PLSCR2: variants seen among roughly 807,000 people sequenced by gnomAD.
The protein encoded by PLSCR2 is PL scramblase 2.
Under a neutral mutation model 25.3 loss-of-function variants are expected in PLSCR2, and 18 were observed. That is an observed-to-expected ratio of 0.71 (90% CI 0.49 to 1.06). The LOEUF (loss-of-function observed/expected upper bound fraction) is 1.06, where lower values mean the gene tolerates loss of function less well. Among genes scored for constraint, PLSCR2 ranks in the 50% least tolerant of loss-of-function variants. The pLI is 0.00. For missense variants in PLSCR2, 243 were observed against 269.5 expected (o/e 0.90, Z 0.69); for synonymous variants, 88 against 87.3 (o/e 1.01, Z -0.04).
chr3:146,478,844 C>G (rs550808531), intron 1 of PLSCR2, among the ~76,000 whole-genome samples: 6 of 152,210 alleles, frequency 3.9e-5, no homozygotes, highest in South Asian at 2.1e-4. Context: ...CAGCCAGAGA[C>G]AAAGGTCGGG....
intron 4 of PLSCR2, among the ~76,000 whole-genome samples, chr3:146,454,374 T>A (rs4234358): frequency 0.57 from 87,073 of 151,932 alleles, 25,433 homozygotes; most frequent in South Asian, 0.76. Context: ...TTTTCCTCAG[T>A]TATTCTTACA....
intron 5 of PLSCR2, among the ~76,000 whole-genome samples, chr3:146,451,335 G>A (rs12492503): frequency 0.48 from 73,224 of 151,510 alleles, 18,685 homozygotes; most frequent in South Asian, 0.7. Context: ...GGCTGGTCTC[G>A]AAATCCTGAC....
intron 2 of PLSCR2, among the ~76,000 whole-genome samples, chr3:146,420,796 T>C (rs1302794154): frequency 6.6e-6 from 1 of 152,110 alleles, no homozygotes; most frequent in Non-Finnish European, 1.5e-5. Flanking sequence ...AGGCGTATTG[T>C]ATTATGCTTC....
chr3:146,486,968 C>T (rs564334444), intron 1 of PLSCR2, among the ~76,000 whole-genome samples: 6 of 152,176 alleles, frequency 3.9e-5, no homozygotes, highest in Admixed American at 6.6e-5. Context: ...TTATCCACCA[C>T]GATCAAGTCA....
chr3:146,483,482 T>TAC (rs1282166736), intron 1 of PLSCR2, among the ~76,000 whole-genome samples: 2 of 80,688 alleles, frequency 2.5e-5, no homozygotes, highest in Non-Finnish European at 5.0e-5. Context: ...TACATGTGTA[T>TAC]ATATATATAT....
chr3:146,447,500 TA>T (rs2040622013), intron 6 of PLSCR2, among the ~76,000 whole-genome samples: 2 of 152,210 alleles, frequency 1.3e-5, no homozygotes, highest in South Asian at 4.1e-4. Context: ...GTCTGGGTGC[TA>T]GGGCCTCGAA....
rs914655051 is a variant in PLSCR2, at chr3:146,492,865, G to T, written c.-293+3030C>A. Among the ~76,000 whole-genome samples the T allele has an allele frequency of 1.1e-4, 17 of 151,776 alleles. No homozygotes were observed. The East Asian group carries it at 1.7e-3, about 16-fold the overall frequency. On this transcript the variant is annotated intron_variant, in intron 1 of 8. Coordinates refer to the PLSCR2 transcript ENST00000336685. ...AAAAGATTAACTTAGACCAAAACTT[G>T]GTTTTTTAAAAGAAAAATCAAGCTT...
upstream of PLSCR2, chr3:146,464,020 G>A: frequency 1.0e-6 from 1 of 969,514 alleles, no homozygotes; most frequent in Non-Finnish European, 1.2e-6. Flanking sequence ...AGATGTATTT[G>A]TGTTACTGAT....
chr3:146,411,147 GAGAA>G (rs918209519), intron 2 of PLSCR2, among the ~76,000 whole-genome samples: 5 of 152,096 alleles, frequency 3.3e-5, no homozygotes, highest in African/African-American at 1.2e-4. Context: ...GAAAAAGGGA[GAGAA>G]AGAGAGAGAG....
exon 3 of PLSCR2, chr3:146,458,412 T>C: frequency 6.6e-7 from 1 of 1,506,920 alleles, no homozygotes; most frequent in Non-Finnish European, 9.0e-7. Context: ...AATACATACC[T>C]TCCAGAAGTT....
chr3:146,421,692 G>C (rs956794986), intron 2 of PLSCR2, among the ~76,000 whole-genome samples: 1 of 152,002 alleles, frequency 6.6e-6, no homozygotes, highest in Non-Finnish European at 1.5e-5. Context: ...GAATTTTGAA[G>C]GTAATTAGTT....
At chr3:146,472,107 T>A (rs904120429) in intron 1 of PLSCR2, among the ~76,000 whole-genome samples, 8 of 152,260 alleles carry the variant, frequency 5.3e-5, no homozygotes, top group African/African-American at 1.9e-4. Flanking sequence ...ATTTGTAATT[T>A]TATTGTAGTG....
At position 146,482,857 on chromosome 3, in the gene PLSCR2, A is replaced by T. The variant is rs561252238; in HGVS notation, c.-293+13038T>A. Among the ~76,000 whole-genome samples the T allele has an allele frequency of 2.0e-5, 3 of 152,326 alleles. No homozygotes were observed. In the South Asian group the frequency reaches 6.2e-4, roughly 32 times the overall value. ...CCATCAGTGATAGACTGGATTAAGAAAATGTGGCATATACACACCGTGGAA... is the reference window on the plus strand; with the variant it reads ...CCATCAGTGATAGACTGGATTAAGATAATGTGGCATATACACACCGTGGAA... On this transcript the variant is annotated intron_variant, in intron 1 of 8. Coordinates refer to the PLSCR2 transcript ENST00000336685.
At chr3:146,429,181 G>T (rs1227247927), downstream of PLSCR2, among the ~76,000 whole-genome samples, 1 of 152,202 alleles carries the variant, frequency 6.6e-6, no homozygotes, top group Non-Finnish European at 1.5e-5. Context: ...TTCTGGTGAG[G>T]CCTCAGGAAG....
At chr3:146,481,957 A>C (rs2043145907) in intron 1 of PLSCR2, among the ~76,000 whole-genome samples, 1 of 152,208 alleles carries the variant, frequency 6.6e-6, no homozygotes, top group African/African-American at 2.4e-5. Flanking sequence ...GACAAACCTG[A>C]CAAGAACAAA....
At chr3:146,463,202 T>A (rs1009412922), upstream of PLSCR2, among the ~76,000 whole-genome samples, 1 of 152,200 alleles carries the variant, frequency 6.6e-6, no homozygotes, top group African/African-American at 2.4e-5. Flanking sequence ...TTTTTCTTTT[T>A]TGAGACGGAG....
chr3:146,469,829 C>G (rs2042045524), intron 1 of PLSCR2, among the ~76,000 whole-genome samples: 1 of 149,378 alleles, frequency 6.7e-6, no homozygotes, highest in Admixed American at 6.7e-5. Flanking sequence ...CCCGTCCCGT[C>G]TCCCTCTCCC....
intron 6 of PLSCR2, 54 bp downstream of exon 6, chr3:146,449,152 C>A: frequency 8.0e-7 from 1 of 1,252,576 alleles, no homozygotes; most frequent in South Asian, 1.3e-5. Context: ...TGAAGTATTT[C>A]AGAATGATTC....
At chr3:146,448,679 C>T (rs1157498096) in intron 6 of PLSCR2, among the ~76,000 whole-genome samples, 1 of 152,170 alleles carries the variant, frequency 6.6e-6, no homozygotes, top group Non-Finnish European at 1.5e-5. Context: ...TGGCCTGATA[C>T]TTGAGGGTTT....
Sources: gnomAD v4.1 joint callset for allele counts (sites outside exome capture counted in the v4.1 genomes callset) on GRCh38, gnomAD v4.1.1 for gene constraint, MANE v1.5 for transcripts, NCBI Gene and HGNC (gene_info 2026-07-23, HGNC 2026-07-21) for gene names.